SCCPDH: variants seen among roughly 807,000 people sequenced by gnomAD.
SCCPDH encodes saccharopine dehydrogenase (putative), also known as saccharopine dehydrogenase-like oxidoreductase.
Under a neutral mutation model 51.5 loss-of-function variants are expected in SCCPDH, and 34 were observed. The ratio of observed to expected loss-of-function variants is 0.66; its 90% CI spans 0.50 to 0.88. The LOEUF (loss-of-function observed/expected upper bound fraction) is 0.88. Among genes scored for constraint, SCCPDH ranks in the 40% least tolerant of loss-of-function variants. The probability of loss-of-function intolerance (pLI) is 0.00; values close to 1 mark genes in which losing one functional copy is unlikely to be tolerated. For synonymous variants in SCCPDH, 187 were observed against 191.3 expected (o/e 0.98, Z 0.19); for missense variants, 464 against 527.1 (o/e 0.88, Z 1.17).
In SCCPDH at chr1:246,736,046, A is replaced by G. The variant is rs752865893; in HGVS notation, c.375A>G (p.Gly125=). 2 of 1,606,622 alleles carry G rather than the reference A, an allele frequency of 1.2e-6. No homozygotes were observed. The highest frequency in any genetic ancestry group is 1.7e-5 in the Admixed American group (1 of 59,634). Residue 125 remains glycine (G), a synonymous_variant, in exon 3 of 12, where the codon GGA becomes GGG. Coordinates refer to ENST00000366510, the MANE Select transcript of SCCPDH (RefSeq NM_016002.3). ...GAGCCAGTTGTATCGACATCAGTGG[A>G]GAACCTCAGGTATAAAAAATAAAAA... ...ENGASCIDIS[G]EPQFLELMQL...
chr1:246,735,980 G>A lies in SCCPDH; in HGVS notation c.309G>A (p.Arg103=). The part of the protein sequence containing the change: ...TVVLNCVGPY[R]FYGEPVIKAC... ...TGTTCTTTTTGTTTCCCTAGTATCG[G>A]TTTTATGGAGAACCTGTAATAAAAG... The change falls in exon 3 of 12, where the codon CGG becomes CGA. Residue 103 remains arginine, a synonymous_variant. Coordinates refer to ENST00000366510, the MANE Select transcript of SCCPDH (RefSeq NM_016002.3). 1.2e-6 allele frequency: 2 copies of A among 1,608,776 alleles called. No homozygotes were observed. Among genetic ancestry groups the A allele is most frequent in the Non-Finnish European group, 8.5e-7 (1 of 1,175,704 alleles).
chr1:246,734,312 A>G (rs1417228460), intron 2 of SCCPDH, among the ~76,000 whole-genome samples: 5 of 152,234 alleles, frequency 3.3e-5, no homozygotes, highest in African/African-American at 1.2e-4. Flanking sequence ...TGGAGCTTCA[A>G]CTTCTGTTTT....
intron 1 of SCCPDH, among the ~76,000 whole-genome samples, chr1:246,725,204 C>T (rs1344042339): frequency 3.9e-5 from 6 of 152,102 alleles, no homozygotes; most frequent in Non-Finnish European, 7.4e-5. Flanking sequence ...TAGACGCTTA[C>T]GTATTCTCTA....
intron 5 of SCCPDH, among the ~76,000 whole-genome samples, chr1:246,746,044 T>C (rs937757729): frequency 5.5e-5 from 8 of 144,496 alleles, no homozygotes; most frequent in Non-Finnish European, 9.0e-5. Flanking sequence ...GGAGGCAGAG[T>C]TTGCAGTGAG....
chr1:246,740,437 GTT>G, intron 4 of SCCPDH, 136 bp downstream of exon 4: 2 of 630,792 alleles, frequency 3.2e-6, no homozygotes, highest in Non-Finnish European at 2.6e-6. Context: ...CACATGTTTT[GTT>G]TTTAATATAG....
intron 5 of SCCPDH, among the ~76,000 whole-genome samples, chr1:246,755,181 TA>T (rs772328486): frequency 1.3e-5 from 2 of 152,250 alleles, no homozygotes; most frequent in Non-Finnish European, 2.9e-5. Flanking sequence ...ATTCATGGAT[TA>T]AAATATGAAT....
intron 5 of SCCPDH, among the ~76,000 whole-genome samples, chr1:246,746,193 C>T (rs1668759167): frequency 6.6e-6 from 1 of 151,778 alleles, no homozygotes; most frequent in Non-Finnish European, 1.5e-5. Context: ...CAACTGAGCT[C>T]CCCGAGTGAG....
chr1:246,767,407 G>A lies in SCCPDH; in HGVS notation c.*107G>A, dbSNP rs1176876013. Reference sequence around the variant, plus strand: ...TGTCTGAGTGTATGTGGAAACGATTGTCAAATCTAAAATATCTATATATTA... The same window carrying A: ...TGTCTGAGTGTATGTGGAAACGATTATCAAATCTAAAATATCTATATATTA... On this transcript the variant is annotated 3_prime_UTR_variant, in exon 12 of 12. Transcript: ENST00000366510. 1 of 551,230 alleles carries A rather than the reference G, an allele frequency of 1.8e-6. No individual in the cohort carries two copies. The highest frequency in any genetic ancestry group is 3.0e-6 in the Non-Finnish European group (1 of 338,802). The allele number at this position is 551,230 out of a possible 1,614,324, so 34.1% of individuals were successfully genotyped here. A position where few individuals can be genotyped will look rare whatever the true frequency, so the allele number is the denominator to read the frequency against.
chr1:246,727,519 G>C (rs560973136), intron 2 of SCCPDH, among the ~76,000 whole-genome samples: 47 of 152,260 alleles, frequency 3.1e-4, no homozygotes, highest in African/African-American at 1.1e-3. Context: ...TTACGTTCTT[G>C]GGGAAGACAG....
chr1:246,746,963 G>T (rs538890038), intron 5 of SCCPDH, among the ~76,000 whole-genome samples: 11 of 152,316 alleles, frequency 7.2e-5, no homozygotes, highest in Admixed American at 4.6e-4. Flanking sequence ...TGGAACAAAG[G>T]CTCAGAAACA....
At chr1:246,745,084 G>C (rs183024087) in intron 5 of SCCPDH, among the ~76,000 whole-genome samples, 3 of 152,300 alleles carry the variant, frequency 2.0e-5, no homozygotes, top group East Asian at 3.9e-4. Flanking sequence ...TTTATCATGC[G>C]CCTAACTTAG....
intron 9 of SCCPDH, among the ~76,000 whole-genome samples, chr1:246,761,519 A>C (rs964689719): frequency 6.6e-6 from 1 of 152,202 alleles, no homozygotes; most frequent in African/African-American, 2.4e-5. Context: ...TTCATCTTGC[A>C]CAACTGAAAC....
At chr1:246,752,087 CT>C (rs199538417) in intron 5 of SCCPDH, among the ~76,000 whole-genome samples, 1 of 150,476 alleles carries the variant, frequency 6.6e-6, no homozygotes, top group Non-Finnish European at 1.5e-5. Flanking sequence ...GCTAATTCTC[CT>C]TTTTTTTTAA....
chr1:246,746,173 A>C (rs925821490), intron 5 of SCCPDH, among the ~76,000 whole-genome samples: 1 of 151,316 alleles, frequency 6.6e-6, no homozygotes, highest in Non-Finnish European at 1.5e-5. Flanking sequence ...AGCAAGACTC[A>C]CATCTCCAAC....
At chr1:246,744,686 GCTCA>G (rs1668732318) in intron 5 of SCCPDH, among the ~76,000 whole-genome samples, 1 of 151,984 alleles carries the variant, frequency 6.6e-6, no homozygotes, top group Non-Finnish European at 1.5e-5. Context: ...TGTGATCTTG[GCTCA>G]CTCAATCTCT....
intron 9 of SCCPDH, 98 bp from the exon 10 acceptor site, chr1:246,764,148 T>C (rs1351227976): frequency 1.4e-6 from 1 of 692,940 alleles, no homozygotes. Context: ...TTTTCATCTA[T>C]TGACAATGTC....
intron 3 of SCCPDH, among the ~76,000 whole-genome samples, chr1:246,736,512 C>T (rs539475973): frequency 1.4e-3 from 212 of 152,024 alleles, no homozygotes; most frequent in Middle Eastern, 6.8e-3. Context: ...CCATCCTGGC[C>T]AACACGGTGA....
intron 5 of SCCPDH, among the ~76,000 whole-genome samples, chr1:246,747,794 A>G (rs2102986406): frequency 6.6e-6 from 1 of 152,338 alleles, no homozygotes; most frequent in East Asian, 1.9e-4. Context: ...AGGATGACTA[A>G]GAACAGAGCA....
Position 246,758,221 on chromosome 1 carries a change from A to G in SCCPDH, c.565-5A>G. On this transcript the variant is annotated splice_polypyrimidine_tract_variant and splice_region_variant and intron_variant, in intron 5 of 11. Coordinates refer to ENST00000366510, the MANE Select transcript of SCCPDH (RefSeq NM_016002.3). ...GTTTCTTTAACTCTTGAAATATTTT[A>G]TTAGGGGTTGAGCATTCATGATGGT... The G allele has an allele frequency of 1.9e-6, 3 of 1,564,566 alleles. No individual in the cohort carries two copies. Among genetic ancestry groups the G allele is most frequent in the Non-Finnish European group, 2.6e-6 (3 of 1,159,614 alleles).
Sources: allele counts gnomAD v4.1 joint callset (sites outside exome capture counted in the v4.1 genomes callset), GRCh38; gene constraint gnomAD v4.1.1; transcripts MANE v1.5; gene names NCBI Gene and HGNC (gene_info 2026-07-23, HGNC 2026-07-21).